The following DOP1A variants were observed in gnomAD, a reference collection of about 807,000 sequenced individuals.
DOP1A encodes protein DOP1A.
Under a neutral mutation model 267.6 loss-of-function variants are expected in DOP1A, and 90 were observed. That is an observed-to-expected ratio of 0.34 (90% CI 0.28 to 0.40). The LOEUF (loss-of-function observed/expected upper bound fraction) is 0.40, where lower values mean the gene tolerates loss of function less well. Ranked by LOEUF, DOP1A falls within the 10% of genes least tolerant of loss-of-function variation. The probability of loss-of-function intolerance (pLI) is 1.00; values close to 1 mark genes in which losing one functional copy is unlikely to be tolerated. For missense variants in DOP1A, 2,437 were observed against 2,900.4 expected (o/e 0.84, Z 3.67); for synonymous variants, 932 against 999.1 (o/e 0.93, Z 1.27).
At chr6:83,159,766 G>A in intron 36 of DOP1A, 30 bp from the exon 37 acceptor site, 1 of 1,613,712 alleles carries the variant, frequency 6.2e-7, no homozygotes, top group Non-Finnish European at 8.5e-7. Flanking sequence ...AATGGGTCCA[G>A]CTGCTGACAG....
At chr6:83,134,320 C>A in intron 19 of DOP1A, 33 bp downstream of exon 19, 2 of 1,568,210 alleles carry the variant, frequency 1.3e-6, no homozygotes, top group South Asian at 1.1e-5. Flanking sequence ...ATTTCACAGT[C>A]ATATATCTTA....
chr6:83,139,194 G>A, intron 21 of DOP1A, 32 bp downstream of exon 21: 1 of 1,519,104 alleles, frequency 6.6e-7, no homozygotes, highest in Non-Finnish European at 9.0e-7. Flanking sequence ...TATTGGTACT[G>A]ACATTTTTCA....
At chr6:83,106,398 T>C (rs1582956380) in intron 4 of DOP1A, among the ~76,000 whole-genome samples, 2 of 152,312 alleles carry the variant, frequency 1.3e-5, no homozygotes, top group East Asian at 1.9e-4. Context: ...ATTACCTAGG[T>C]ACATTGTAAA....
chr6:83,106,322 A>G (rs1419296651), intron 4 of DOP1A, among the ~76,000 whole-genome samples: 1 of 152,242 alleles, frequency 6.6e-6, no homozygotes, highest in Non-Finnish European at 1.5e-5. Flanking sequence ...TCTAGATTGC[A>G]GACTAGACAG....
chr6:83,074,229 A>G (rs929145359), intron 1 of DOP1A, among the ~76,000 whole-genome samples: 6 of 152,186 alleles, frequency 3.9e-5, no homozygotes, highest in African/African-American at 1.4e-4. Flanking sequence ...CTTAGTCTCC[A>G]TGGTCCTTTG....
Position 83,138,211 on chromosome 6 carries a change from C to G in DOP1A, c.4169C>G (p.Ala1390Gly). 6.2e-7 allele frequency: 1 copy of G among 1,613,644 alleles called. No individual in the cohort carries two copies. The highest frequency in any genetic ancestry group is 8.5e-7 in the Non-Finnish European group (1 of 1,179,868). ...RTLYAFSAIK[A>G]ILKTNPIAFV... ...TTGTATGCTTTCTCTGCCATCAAAG[C>G]CATCTTGAAAACTAACCCTATAGCT... The change falls in exon 21 of 39, where the codon GCC becomes GGC. Residue 1390 changes from alanine to glycine, a missense_variant. Ala to Gly is a moderately conservative substitution (Grantham distance 60). This residue lies in a region of DOP1A where 878 missense variants were observed against 992.9 expected (regional missense o/e 0.88). Transcript: ENST00000349129.
At chr6:83,093,242 A>T (rs1770802133) in intron 1 of DOP1A, among the ~76,000 whole-genome samples, 1 of 152,240 alleles carries the variant, frequency 6.6e-6, no homozygotes. Flanking sequence ...AAGCAAAATC[A>T]TTTCATGTCA....
chr6:83,132,886 T>TA (rs1261684947), intron 18 of DOP1A, among the ~76,000 whole-genome samples: 1 of 152,210 alleles, frequency 6.6e-6, no homozygotes, highest in Non-Finnish European at 1.5e-5. Flanking sequence ...TAATCATTTT[T>TA]ACTAACCTCA....
At chr6:83,087,474 A>C (rs758929244) in intron 1 of DOP1A, among the ~76,000 whole-genome samples, 8 of 152,176 alleles carry the variant, frequency 5.3e-5, no homozygotes, top group Non-Finnish European at 1.2e-4. Context: ...TCAGATGAGT[A>C]TAAAGAGGAA....
intron 2 of DOP1A, 21 bp downstream of exon 2, chr6:83,096,844 A>T: frequency 1.0e-6 from 1 of 986,594 alleles, no homozygotes; most frequent in Non-Finnish European, 1.5e-6. Context: ...TTTTCAAGTT[A>T]GTCATTACCT....
intron 1 of DOP1A, among the ~76,000 whole-genome samples, chr6:83,081,494 G>A (rs967754380): frequency 3.9e-5 from 6 of 152,008 alleles, no homozygotes; most frequent in East Asian, 1.9e-4. Context: ...GGGAAAACTG[G>A]ATAAACTGCA....
chr6:83,086,937 G>C (rs550178467), intron 1 of DOP1A, among the ~76,000 whole-genome samples: 55 of 152,292 alleles, frequency 3.6e-4, no homozygotes, highest in Admixed American at 5.9e-4. Context: ...TTTAGTTTTA[G>C]ACCATGAGAG....
chr6:83,137,930 A>G lies in DOP1A; in HGVS notation c.3888A>G (p.Ala1296=). Residue 1296 remains alanine, a synonymous_variant, in exon 21 of 39, where the codon GCA becomes GCG. Transcript: ENST00000349129. ...IVKESGKQPG[A]KPKVKLARKK... is the part of the protein sequence containing the mutation. Reference sequence around the variant, plus strand: ...AGGAGTCAGGTAAACAACCAGGAGCAAAACCTAAAGTAAAACTTGCCAGAA... The same window carrying G: ...AGGAGTCAGGTAAACAACCAGGAGCGAAACCTAAAGTAAAACTTGCCAGAA... 6.2e-7 allele frequency: 1 copy of G among 1,607,090 alleles called. No individual in the cohort carries two copies. Among genetic ancestry groups the G allele is most frequent in the Non-Finnish European group, 8.5e-7 (1 of 1,178,086 alleles).
In DOP1A at chr6:83,067,799, C is replaced by CA. The variant is rs999037246; in HGVS notation, c.-147+21dup. The CA allele has an allele frequency of 2.0e-5, 3 of 152,316 alleles. No homozygotes were observed. Among genetic ancestry groups the CA allele is most frequent in the African/African-American group, 7.2e-5 (3 of 41,466 alleles). 9.4% of individuals were successfully genotyped at this position (152,316 alleles called of 1,614,324 possible). On this transcript the variant is annotated intron_variant, in intron 1 of 38. Transcript: ENST00000349129. ...CAGCAGGTAAAAGCGTCCCTGCCCC[C>CA]AGTGCGGCCGCTAGGCTGGTAGCCG...
At chr6:83,068,510 GT>G (rs1785078207) in intron 1 of DOP1A, among the ~76,000 whole-genome samples, 1 of 152,108 alleles carries the variant, frequency 6.6e-6, no homozygotes, top group Admixed American at 6.5e-5. Flanking sequence ...GTTCTATGGC[GT>G]TTGAGAAATG....
chr6:83,083,766 A>G (rs912678078), intron 1 of DOP1A, among the ~76,000 whole-genome samples: 1 of 152,186 alleles, frequency 6.6e-6, no homozygotes, highest in African/African-American at 2.4e-5. Context: ...GTATGTGCTT[A>G]AGTGTTTATT....
At chr6:83,140,788 A>G (rs1051495714) in intron 23 of DOP1A, among the ~76,000 whole-genome samples, 1 of 152,202 alleles carries the variant, frequency 6.6e-6, no homozygotes, top group Admixed American at 6.5e-5. Context: ...ATGGAATGAT[A>G]ACAATATTTG....
intron 7 of DOP1A, among the ~76,000 whole-genome samples, chr6:83,116,121 CGAG>C (rs2128198327): frequency 6.6e-6 from 1 of 152,214 alleles, no homozygotes; most frequent in African/African-American, 2.4e-5. Flanking sequence ...GTTGGAAAAT[CGAG>C]GAGTATTTCA....
At position 83,151,800 on chromosome 6, in the gene DOP1A, A is replaced by G. The variant is rs1323444951; in HGVS notation, c.5905-83A>G. ...TCAACAAGTCTATTGTAAAATATCT[A>G]TTATCAGAAATATAAACTACAGAAG... On this transcript the variant is annotated intron_variant, in intron 28 of 38. Coordinates refer to ENST00000349129, the MANE Select transcript of DOP1A (RefSeq NM_015018.4). The G allele has an allele frequency of 8.9e-6, 13 of 1,459,810 alleles. No individual in the cohort carries two copies. In the Admixed American group the frequency reaches 2.4e-4, roughly 27 times the overall value. The allele number at this position is 1,459,810 out of a possible 1,614,324, so 90.4% of individuals were successfully genotyped here.
Sources: gnomAD v4.1 joint callset for allele counts (sites outside exome capture counted in the v4.1 genomes callset) on GRCh38, gnomAD v4.1.1 for gene constraint, gnomAD v4.1.1 regional missense constraint, MANE v1.5 for transcripts, NCBI Gene and HGNC (gene_info 2026-07-23, HGNC 2026-07-21) for gene names.